ACSL5: variants seen among roughly 807,000 people sequenced by gnomAD.
The protein encoded by ACSL5 is long-chain-fatty-acid--CoA ligase 5.
Under a neutral mutation model 84.9 loss-of-function variants are expected in ACSL5, and 50 were observed. The observed-to-expected ratio is 0.59, with a 90% confidence interval of 0.47 to 0.75. The LOEUF (loss-of-function observed/expected upper bound fraction) is 0.75, where lower values mean the gene tolerates loss of function less well. ACSL5 is among the 30% of genes least tolerant of loss of function. The probability of loss-of-function intolerance (pLI) is 0.00; values close to 1 mark genes in which losing one functional copy is unlikely to be tolerated. For synonymous variants in ACSL5, 280 were observed against 300.7 expected, an observed-to-expected ratio of 0.93 and a Z score of 0.71; for missense variants, 775 against 830.4, an observed-to-expected ratio of 0.93 and a Z score of 0.82.
chr10:112,418,350 G>A (rs1477911489), intron 14 of ACSL5, among the ~76,000 whole-genome samples: 1 of 152,176 alleles, frequency 6.6e-6, no homozygotes, highest in Non-Finnish European at 1.5e-5. Flanking sequence ...GGGAGGCTGA[G>A]ACGGGCGGAT....
intron 5 of ACSL5, among the ~76,000 whole-genome samples, chr10:112,408,158 A>T (rs1844089300): frequency 6.6e-6 from 1 of 151,912 alleles, no homozygotes; most frequent in Non-Finnish European, 1.5e-5. Flanking sequence ...AATTAGCTTG[A>T]CATAGTGATG....
At chr10:112,376,197 T>A in intron 1 of ACSL5, 17 of 1,402,700 alleles carry the variant, frequency 1.2e-5, no homozygotes, top group Non-Finnish European at 1.4e-5. Context: ...AAAAAAAAAA[T>A]TAAAACCAGG....
chr10:112,412,883 G>A (rs1844213507), intron 11 of ACSL5, among the ~76,000 whole-genome samples: 1 of 116,704 alleles, frequency 8.6e-6, no homozygotes, highest in African/African-American at 2.8e-5. Context: ...ACCTGTGGTG[G>A]AGTCTGGGGG....
chr10:112,375,062 A>T (rs908906558), intron 1 of ACSL5, among the ~76,000 whole-genome samples: 10 of 145,144 alleles, frequency 6.9e-5, no homozygotes, highest in African/African-American at 2.1e-4. Context: ...TAAAAAAAAA[A>T]GAAATAAAAC....
At chr10:112,422,931 G>A (rs1425184410) in intron 17 of ACSL5, among the ~76,000 whole-genome samples, 4 of 150,172 alleles carry the variant, frequency 2.7e-5, no homozygotes, top group African/African-American at 9.8e-5. Flanking sequence ...GCTCACACCT[G>A]TAATCCCAGC....
chr10:112,422,581 C>G lies in ACSL5; in HGVS notation c.1593+140C>G. 3 of 727,880 alleles carry G rather than the reference C, an allele frequency of 4.1e-6. No individual in the cohort carries two copies. The South Asian group carries it at 5.3e-5, about 13-fold the overall frequency. 45.1% of individuals were successfully genotyped at this position (727,880 alleles called of 1,614,324 possible). On this transcript the variant is annotated intron_variant, in intron 17 of 20. Coordinates refer to ENST00000354655, the MANE Select transcript of ACSL5 (RefSeq NM_203379.2). ...GGGATTAGGTTTGTACCCTACCTGG[C>G]TTATGACTTCCTCATACTATCCAGA...
At chr10:112,381,567 C>G (rs1849350679) in intron 1 of ACSL5, among the ~76,000 whole-genome samples, 1 of 150,778 alleles carries the variant, frequency 6.6e-6, no homozygotes, top group Non-Finnish European at 1.5e-5. Context: ...ACTCGGGAGG[C>G]TGAGGCAGGA....
intron 11 of ACSL5, chr10:112,412,295 T>A: frequency 3.7e-6 from 1 of 272,238 alleles, no homozygotes; most frequent in South Asian, 1.2e-4. Flanking sequence ...CAAGACATTG[T>A]CTTCTTTTTA....
At chr10:112,424,018 C>T (rs1844578776) in intron 17 of ACSL5, among the ~76,000 whole-genome samples, 1 of 152,142 alleles carries the variant, frequency 6.6e-6, no homozygotes, top group African/African-American at 2.4e-5. Context: ...GCCGTTGGTC[C>T]ACAGCTTTTG....
intron 3 of ACSL5, 70 bp from the exon 4 acceptor site, chr10:112,404,441 C>T: frequency 8.3e-7 from 1 of 1,211,778 alleles, no homozygotes; most frequent in Non-Finnish European, 1.2e-6. Context: ...CCTTCTTAAT[C>T]TCCTTTTAGC....
chr10:112,387,448 T>C (rs945545821), intron 1 of ACSL5, among the ~76,000 whole-genome samples: 8 of 152,204 alleles, frequency 5.3e-5, no homozygotes, highest in Non-Finnish European at 1.0e-4. Context: ...CTTTTGTCAT[T>C]ACTTTTGGGT....
At chr10:112,399,199 C>T (rs1170256885) in intron 3 of ACSL5, among the ~76,000 whole-genome samples, 190 bp downstream of exon 3, 2 of 152,218 alleles carry the variant, frequency 1.3e-5, no homozygotes, top group African/African-American at 4.8e-5. Context: ...GTCAGACGGA[C>T]TTAGGTTTGA....
At position 112,426,379 on chromosome 10, in the gene ACSL5, G is replaced by A; in HGVS notation, c.1839+20G>A. 1 of 1,602,218 alleles carries A rather than the reference G, an allele frequency of 6.2e-7. No homozygotes were observed. ...AACCAAGTAAGTCTTGCCTAGGAAA[G>A]CTTTATGCACACCCATGGGCCCATC... On this transcript the variant is annotated intron_variant, in intron 19 of 20. Coordinates refer to ENST00000354655, the MANE Select transcript of ACSL5 (RefSeq NM_203379.2).
intron 1 of ACSL5, among the ~76,000 whole-genome samples, chr10:112,385,384 A>G (rs1686865245): frequency 6.6e-6 from 1 of 152,202 alleles, no homozygotes; most frequent in African/African-American, 2.4e-5. Context: ...TTTCTATGAG[A>G]TAAGCTGATG....
intron 1 of ACSL5, among the ~76,000 whole-genome samples, chr10:112,392,752 A>AC (rs1441601496): frequency 6.6e-6 from 1 of 151,052 alleles, no homozygotes; most frequent in Non-Finnish European, 1.5e-5. Flanking sequence ...AAAAAAAAAA[A>AC]AAAAATTAAA....
At chr10:112,411,187 T>C (rs1004610648) in intron 9 of ACSL5, among the ~76,000 whole-genome samples, 3 of 152,336 alleles carry the variant, frequency 2.0e-5, no homozygotes, top group African/African-American at 4.8e-5. Context: ...GAGGGTTAAC[T>C]TGAATTTTTC....
chr10:112,392,987 A>T (rs1028631619), intron 1 of ACSL5, among the ~76,000 whole-genome samples: 3 of 151,968 alleles, frequency 2.0e-5, no homozygotes, highest in African/African-American at 7.3e-5. Context: ...GGCAGACTGG[A>T]TGGGAGAGCA....
chr10:112,378,982 T>TG (rs1159451374), intron 1 of ACSL5, among the ~76,000 whole-genome samples: 5 of 152,222 alleles, frequency 3.3e-5, no homozygotes, highest in African/African-American at 7.2e-5. Flanking sequence ...CCAGTCTTCA[T>TG]GGGCCATTCT....
In ACSL5 at chr10:112,422,412, C is replaced by T; in HGVS notation, c.1564C>T (p.His522Tyr). ...QEALDSDGWLHTGDIGRWLPN... is the reference protein window; with the variant it reads ...QEALDSDGWLYTGDIGRWLPN... ...AGCCCTGGACAGTGATGGCTGGCTT[C>T]ACACAGGAGACATTGGTCGCTGGCT... Residue 522 changes from histidine (H) to tyrosine (Y), a missense_variant, in exon 17 of 21, where the codon CAC becomes TAC. Physicochemically the swap from His to Tyr is moderately conservative, Grantham distance 83. Coordinates refer to ENST00000354655, the MANE Select transcript of ACSL5 (RefSeq NM_203379.2). 6.2e-7 allele frequency: 1 copy of T among 1,614,162 alleles called. No homozygotes were observed. Among genetic ancestry groups the T allele is most frequent in the Non-Finnish European group, 8.5e-7 (1 of 1,180,014 alleles).
Sources: gnomAD v4.1 joint callset for allele counts (sites outside exome capture counted in the v4.1 genomes callset) on GRCh38, gnomAD v4.1.1 for gene constraint, MANE v1.5 for transcripts, NCBI Gene and HGNC (gene_info 2026-07-23, HGNC 2026-07-21) for gene names.